Variants in PTPRK observed in about 807,000 individuals in gnomAD.
PTPRK encodes receptor-type tyrosine-protein phosphatase kappa.
A neutral mutation model predicts 178.0 loss-of-function variants in PTPRK; 75 were observed. The ratio of observed to expected loss-of-function variants is 0.42; its 90% CI spans 0.35 to 0.51. The LOEUF (loss-of-function observed/expected upper bound fraction) is 0.51. Among genes scored for constraint, PTPRK ranks in the 20% least tolerant of loss-of-function variants. The pLI, the probability that PTPRK is intolerant of heterozygous loss-of-function variation, is 0.02. For missense variants in PTPRK, 1,441 were observed against 1,797.8 expected (o/e 0.80, Z 3.59); for synonymous variants, 637 against 620.6 (o/e 1.03, Z -0.39).
chr6:128,318,319 G>A lies in PTPRK; in HGVS notation c.495+3720C>T, dbSNP rs73772026. ...ATCCAAAGCCAGTGGAATCTCTGGAGTATAACAATCTTTCTACTGACAAAA... is the reference window on the plus strand; with the variant it reads ...ATCCAAAGCCAGTGGAATCTCTGGAATATAACAATCTTTCTACTGACAAAA... On this transcript the variant is annotated intron_variant, in intron 3 of 29. Transcript: ENST00000368226. 6.8e-3 allele frequency among the ~76,000 whole-genome samples: 1,033 copies of A among 152,260 alleles called. 9 individuals are homozygous for A. The highest frequency in any genetic ancestry group is 0.024 in the African/African-American group (1,000 of 41,534).
chr6:128,008,592 G>A (rs1003184347), intron 14 of PTPRK, among the ~76,000 whole-genome samples: 2 of 151,004 alleles, frequency 1.3e-5, no homozygotes, highest in Non-Finnish European at 3.0e-5. Context: ...GGTGATATTA[G>A]TTGATATAGT....
At chr6:128,345,000 G>T (rs918533363) in intron 2 of PTPRK, among the ~76,000 whole-genome samples, 1 of 151,092 alleles carries the variant, frequency 6.6e-6, no homozygotes, top group South Asian at 2.1e-4. Flanking sequence ...AGGAGAATGG[G>T]GGGGGAAAGT....
At chr6:128,458,281 T>A (rs947833086) in intron 1 of PTPRK, among the ~76,000 whole-genome samples, 12 of 152,166 alleles carry the variant, frequency 7.9e-5, no homozygotes, top group African/African-American at 2.9e-4. Context: ...AGAGAGCAGA[T>A]GAAGAGTCAA....
intron 3 of PTPRK, among the ~76,000 whole-genome samples, chr6:128,295,666 C>A (rs1333300574): frequency 6.6e-6 from 1 of 152,054 alleles, no homozygotes; most frequent in Non-Finnish European, 1.5e-5. Flanking sequence ...GAGACCTAAA[C>A]CCTAATTCTA....
intron 7 of PTPRK, among the ~76,000 whole-genome samples, chr6:128,141,212 G>C (rs1795720894): frequency 6.6e-6 from 1 of 151,732 alleles, no homozygotes; most frequent in South Asian, 2.1e-4. Flanking sequence ...ATGAAACCTT[G>C]AAAATGTATA....
intron 13 of PTPRK, among the ~76,000 whole-genome samples, chr6:128,009,930 G>A (rs1778868074): frequency 6.6e-6 from 1 of 151,068 alleles, no homozygotes; most frequent in South Asian, 2.1e-4. Flanking sequence ...AAACTTCTTT[G>A]TATGCCCTAA....
At chr6:128,260,243 A>C (rs747734996) in intron 3 of PTPRK, among the ~76,000 whole-genome samples, 9 of 152,102 alleles carry the variant, frequency 5.9e-5, no homozygotes, top group Non-Finnish European at 1.2e-4. Flanking sequence ...GAACAGGCTT[A>C]TAGCAGAGGA....
chr6:128,068,732 T>A (rs1782281694), intron 11 of PTPRK, among the ~76,000 whole-genome samples: 1 of 150,762 alleles, frequency 6.6e-6, no homozygotes, highest in Non-Finnish European at 1.5e-5. Flanking sequence ...ACATTATTAT[T>A]ATAATATATT....
Position 128,145,051 on chromosome 6 carries a change from C to A in PTPRK, c.1162+39381G>T, listed in dbSNP as rs185996156. 4.9e-4 allele frequency among the ~76,000 whole-genome samples: 74 copies of A among 152,160 alleles called. 1 individual carries two copies. Among genetic ancestry groups the A allele is most frequent in the African/African-American group, 1.7e-3 (72 of 41,522 alleles). ...AACAAAGTTGACTTTCCAACAGCTA[C>A]ACAATAACAAGATTTTTCAATTGTT... On this transcript the variant is annotated intron_variant, in intron 7 of 29. Coordinates refer to ENST00000368226, the MANE Select transcript of PTPRK (RefSeq NM_002844.4).
At chr6:128,282,306 C>G (rs1821803775) in intron 3 of PTPRK, among the ~76,000 whole-genome samples, 1 of 152,162 alleles carries the variant, frequency 6.6e-6, no homozygotes, top group Non-Finnish European at 1.5e-5. Context: ...CATAAAAGTA[C>G]TAATTATATA....
chr6:128,180,409 G>A (rs1028778786), intron 7 of PTPRK, among the ~76,000 whole-genome samples: 8 of 151,970 alleles, frequency 5.3e-5, no homozygotes, highest in African/African-American at 1.9e-4. Flanking sequence ...GAAACATTAT[G>A]TGAACAATAG....
chr6:128,362,304 G>A (rs1834884363), intron 2 of PTPRK, among the ~76,000 whole-genome samples: 1 of 152,006 alleles, frequency 6.6e-6, no homozygotes, highest in Admixed American at 6.6e-5. Context: ...CAGCACCAAG[G>A]GAATTGTATT....
chr6:128,311,227 C>A (rs750459262), intron 3 of PTPRK, among the ~76,000 whole-genome samples: 1 of 152,118 alleles, frequency 6.6e-6, no homozygotes, highest in Non-Finnish European at 1.5e-5. Context: ...ATGCGAACAA[C>A]GCAACTTCAT....
At chr6:128,296,981 T>C (rs1824546963) in intron 3 of PTPRK, among the ~76,000 whole-genome samples, 1 of 151,436 alleles carries the variant, frequency 6.6e-6, no homozygotes, top group South Asian at 2.1e-4. Context: ...AGGAAACCCA[T>C]CTCACGTGCA....
intron 2 of PTPRK, among the ~76,000 whole-genome samples, chr6:128,369,471 C>A (rs370351097): frequency 1.3e-5 from 2 of 152,118 alleles, no homozygotes; most frequent in East Asian, 3.9e-4. Flanking sequence ...TAGGCTTCTA[C>A]CTGGTAAACA....
chr6:128,424,801 T>C (rs1356634304), intron 1 of PTPRK, among the ~76,000 whole-genome samples: 2 of 152,210 alleles, frequency 1.3e-5, no homozygotes, highest in Admixed American at 1.3e-4. Context: ...GAATGAAGGA[T>C]GCTGTCACTA....
intron 22 of PTPRK, 145 bp from the exon 23 acceptor site, chr6:127,983,522 G>T: frequency 1.3e-6 from 1 of 743,930 alleles, no homozygotes; most frequent in Non-Finnish European, 2.1e-6. Flanking sequence ...CTGTGTAAAA[G>T]CTTATTAATG....
chr6:128,098,365 C>G (rs1788238864), intron 7 of PTPRK, among the ~76,000 whole-genome samples: 1 of 152,070 alleles, frequency 6.6e-6, no homozygotes, highest in African/African-American at 2.4e-5. Context: ...CAGAATAAGG[C>G]AAAAGTGTGG....
chr6:127,970,710 A>G (rs1773808784), intron 29 of PTPRK, among the ~76,000 whole-genome samples: 3 of 152,072 alleles, frequency 2.0e-5, no homozygotes, highest in East Asian at 1.9e-4. Flanking sequence ...CTTTTTGTGC[A>G]TGGTTGAAAT....
Sources: allele counts gnomAD v4.1 joint callset (sites outside exome capture counted in the v4.1 genomes callset), GRCh38; gene constraint gnomAD v4.1.1; transcripts MANE v1.5; gene names NCBI Gene and HGNC (gene_info 2026-07-23, HGNC 2026-07-21).